FAM3B: variants seen among roughly 807,000 people sequenced by gnomAD.
The protein encoded by FAM3B is FAM3 metabolism regulating signaling molecule B.
FAM3B carries 29 observed loss-of-function variants against 28.4 expected under a neutral mutation model. That is an observed-to-expected ratio of 1.02 (90% confidence interval 0.76 to 1.39). FAM3B has a LOEUF of 1.39. FAM3B is among the 40% of genes most tolerant of loss of function. The pLI is 0.00. For missense variants in FAM3B, 266 were observed against 293.9 expected, an observed-to-expected ratio of 0.91 and a Z score of 0.69; for synonymous variants, 91 against 103.0, an observed-to-expected ratio of 0.88 and a Z score of 0.71.
chr21:41,310,748 A>G (rs895700878), intron 1 of FAM3B, among the ~76,000 whole-genome samples: 13 of 152,096 alleles, frequency 8.5e-5, no homozygotes, highest in Non-Finnish European at 1.9e-4. Flanking sequence ...GCTGGCCCTG[A>G]TTCTGGATAA....
chr21:41,322,959 T>C lies in FAM3B; in HGVS notation c.56T>C (p.Leu19Ser), dbSNP rs758519112. 2.5e-6 allele frequency: 4 copies of C among 1,613,406 alleles called. No homozygotes were observed. Among genetic ancestry groups the C allele is most frequent in the Admixed American group, 3.3e-5 (2 of 60,016 alleles). The change falls in exon 2 of 8, where the codon TTG (leucine) becomes TCG (serine). Residue 19 changes from leucine to serine, a missense_variant. By Grantham distance (145) the Leu-to-Ser change is moderately radical. Transcript: ENST00000357985. ...GTGGTGTTCGTGGTCTTCGCCTCCT[T>C]GTGTGCCTGGTATTCGGGGTACCTG... ...LKVVFVVFAS[L>S]CAWYSGYLLA...
intron 1 of FAM3B, among the ~76,000 whole-genome samples, chr21:41,317,120 T>A (rs1254502712): frequency 6.6e-6 from 1 of 152,140 alleles, no homozygotes; most frequent in Non-Finnish European, 1.5e-5. Flanking sequence ...CGACCCTGTT[T>A]CCCCGCGCTC....
chr21:41,316,504 A>T (rs1321367073), upstream of FAM3B, among the ~76,000 whole-genome samples: 1 of 152,176 alleles, frequency 6.6e-6, no homozygotes, highest in East Asian at 1.9e-4. Context: ...GGGAGACATT[A>T]ACTGGGAGCC....
chr21:41,322,054 C>T (rs2088811678), intron 1 of FAM3B, among the ~76,000 whole-genome samples: 1 of 152,178 alleles, frequency 6.6e-6, no homozygotes, highest in Non-Finnish European at 1.5e-5. Flanking sequence ...ACCCATCCTA[C>T]TCAGGGCCTG....
intron 3 of FAM3B, 49 bp from the exon 4 acceptor site, chr21:41,344,427 G>C: frequency 1.3e-6 from 2 of 1,549,820 alleles, no homozygotes; most frequent in Non-Finnish European, 1.8e-6. Context: ...GCGGAGCGGG[G>C]AGAGTCGCAC....
At chr21:41,340,028 T>G (rs1167006628) in intron 3 of FAM3B, among the ~76,000 whole-genome samples, 1 of 152,104 alleles carries the variant, frequency 6.6e-6, no homozygotes, top group Non-Finnish European at 1.5e-5. Context: ...GGAGGTCTGC[T>G]GGTATCAGTC....
intron 3 of FAM3B, among the ~76,000 whole-genome samples, chr21:41,343,345 G>T (rs752604748): frequency 6.6e-6 from 1 of 152,120 alleles, no homozygotes; most frequent in Non-Finnish European, 1.5e-5. Context: ...TACCTTATTT[G>T]GTCTCTAACG....
In FAM3B at chr21:41,348,640, A is replaced by G. The variant is rs766286206; in HGVS notation, c.534A>G (p.Glu178=). ...KNAIEALGSK[E]IRNMKFRSSW... is the part of the protein sequence containing the mutation. ...CCATAGAAGCACTTGGAAGTAAAGA[A>G]ATCAGGAACATGAAATTCAGGTCTA... is the stretch of plus-strand genomic sequence containing the variant. Residue 178 remains glutamate, a synonymous_variant, in exon 7 of 8, where the codon GAA becomes GAG. Coordinates refer to ENST00000357985, the MANE Select transcript of FAM3B (RefSeq NM_058186.4). 1.2e-6 allele frequency: 2 copies of G among 1,614,238 alleles called. No homozygotes were observed. The highest frequency in any genetic ancestry group is 1.7e-6 in the Non-Finnish European group (2 of 1,180,026).
upstream of FAM3B, among the ~76,000 whole-genome samples, chr21:41,315,914 AG>A (rs1465354894): frequency 1.3e-5 from 2 of 152,166 alleles, no homozygotes; most frequent in Admixed American, 6.6e-5. Flanking sequence ...GGAGCAGAGT[AG>A]AACTACCAAG....
chr21:41,345,005 G>A (rs2089043119), intron 4 of FAM3B, among the ~76,000 whole-genome samples: 1 of 152,244 alleles, frequency 6.6e-6, no homozygotes. Context: ...TTGCCTTTGA[G>A]GGGCCCAGAG....
intron 1 of FAM3B, among the ~76,000 whole-genome samples, chr21:41,307,639 T>C (rs922144737): frequency 2.6e-5 from 4 of 152,216 alleles, no homozygotes; most frequent in Non-Finnish European, 4.4e-5. Context: ...GTAATGTTAT[T>C]AATTGGTCTA....
intron 7 of FAM3B, among the ~76,000 whole-genome samples, chr21:41,352,569 C>T (rs1020638722): frequency 2.0e-4 from 30 of 152,014 alleles, no homozygotes; most frequent in African/African-American, 4.1e-4. Context: ...TCAAGGCAGG[C>T]GGATCACGAG....
intron 7 of FAM3B, among the ~76,000 whole-genome samples, chr21:41,352,891 AAG>A (rs2089134543): frequency 1.3e-5 from 2 of 152,204 alleles, no homozygotes; most frequent in African/African-American, 4.8e-5. Context: ...GCTGGTGCAA[AAG>A]TAATTGCACC....
chr21:41,328,741 G>T (rs182282869), intron 2 of FAM3B, among the ~76,000 whole-genome samples: 1 of 152,318 alleles, frequency 6.6e-6, no homozygotes, highest in Admixed American at 6.5e-5. Context: ...TGGTATTGGG[G>T]TGAGCTGGAG....
intron 7 of FAM3B, among the ~76,000 whole-genome samples, chr21:41,350,269 G>A (rs762260170): frequency 5.3e-5 from 8 of 152,184 alleles, no homozygotes; most frequent in South Asian, 4.2e-4. Flanking sequence ...CCTGGGGAGC[G>A]AATACTGGGT....
chr21:41,345,924 A>G, intron 5 of FAM3B, 188 bp downstream of exon 5: 1 of 528,534 alleles, frequency 1.9e-6, no homozygotes, highest in East Asian at 4.0e-5. Context: ...GAACATTTGA[A>G]GGCATCATCT....
chr21:41,352,822 A>AATAAACAG, intron 7 of FAM3B, among the ~76,000 whole-genome samples: 1 of 151,834 alleles, frequency 6.6e-6, no homozygotes, highest in South Asian at 2.1e-4. Flanking sequence ...TAAATAAATA[A>AATAAACAG]ATAAAGGAAG....
intron 3 of FAM3B, among the ~76,000 whole-genome samples, chr21:41,339,122 A>G (rs909532387): frequency 5.3e-5 from 8 of 152,332 alleles, no homozygotes; most frequent in African/African-American, 1.9e-4. Context: ...GAAAATCCAT[A>G]TAAGATTGAT....
intron 1 of FAM3B, among the ~76,000 whole-genome samples, chr21:41,305,839 G>C (rs913554368): frequency 1.4e-4 from 21 of 152,144 alleles, no homozygotes; most frequent in Non-Finnish European, 2.4e-4. Flanking sequence ...AGATTAGAGC[G>C]GCTGTGGCAA....
Sources: allele counts gnomAD v4.1 joint callset (sites outside exome capture counted in the v4.1 genomes callset), GRCh38; gene constraint gnomAD v4.1.1; transcripts MANE v1.5; gene names NCBI Gene and HGNC (gene_info 2026-07-23, HGNC 2026-07-21).